The following SVIL variants were observed in gnomAD, a reference collection of about 807,000 sequenced individuals.
The protein encoded by SVIL is archvillin.
A neutral mutation model predicts 240.4 loss-of-function variants in SVIL; 101 were observed. The observed-to-expected ratio is 0.42, with a 90% CI of 0.36 to 0.50. SVIL has a LOEUF of 0.50. Among genes scored for constraint, SVIL ranks in the 20% least tolerant of loss-of-function variants. SVIL has a pLI of 0.01. For synonymous variants in SVIL, 999 were observed against 1,100.0 expected, an observed-to-expected ratio of 0.91 and a Z score of 1.82; for missense variants, 2,512 against 2,818.7, an observed-to-expected ratio of 0.89 and a Z score of 2.46.
intron 1 of SVIL, among the ~76,000 whole-genome samples, chr10:29,700,468 CTTTTTTT>C (rs71281545): frequency 1.4e-4 from 16 of 113,128 alleles, no homozygotes; most frequent in Admixed American, 8.5e-4. Context: ...TTACTATTTC[CTTTTTTT>C]TTTTTTTTTT....
At chr10:29,652,517 T>C (rs1958870982) in intron 3 of SVIL, among the ~76,000 whole-genome samples, 2 of 152,238 alleles carry the variant, frequency 1.3e-5, no homozygotes, top group Admixed American at 1.3e-4. Flanking sequence ...AATATTATTA[T>C]TTTTGTACAG....
At chr10:29,701,975 A>C (rs1398312229) in intron 1 of SVIL, among the ~76,000 whole-genome samples, 2 of 152,144 alleles carry the variant, frequency 1.3e-5, no homozygotes, top group Non-Finnish European at 2.9e-5. Context: ...GGAGTTCGAG[A>C]CCAGCCTGGC....
chr10:29,543,016 G>A (rs1488660240), intron 6 of SVIL, among the ~76,000 whole-genome samples: 1 of 152,164 alleles, frequency 6.6e-6, no homozygotes, highest in Non-Finnish European at 1.5e-5. Flanking sequence ...AGAGCAGACT[G>A]GTGCGAGAGT....
chr10:29,545,853 CAAAAAAAAAAAAAA>C (rs755360700), intron 6 of SVIL, among the ~76,000 whole-genome samples: 7,118 of 63,964 alleles, frequency 0.11, 301 homozygotes, highest in South Asian at 0.24. Context: ...GACTCTGTCT[CAAAAAAAAAAAAAA>C]AAAAAAAAAA....
In SVIL at chr10:29,524,562, C is replaced by T. The variant is rs113842540; in HGVS notation, c.2496G>A (p.Ala832=). 962 of 1,614,094 alleles carry T rather than the reference C, an allele frequency of 6.0e-4. 3 individuals are homozygous for T. The African/African-American group carries it at 0.011, about 19-fold the overall frequency. Residue 832 remains alanine (A), a synonymous_variant, in exon 14 of 38, where the codon GCG becomes GCA. Coordinates refer to ENST00000355867, the MANE Select transcript of SVIL (RefSeq NM_021738.3). ...TGTCTATTCTGTTCCGGGTAGAAAT[C>T]GCTTTTGAGACTGGCTGGGACAATT... is the stretch of plus-strand genomic sequence containing the variant. ...FNKLSQPVSK[A]ISTRNRIDTR...
At chr10:29,485,936 A>G in intron 26 of SVIL, 149 bp downstream of exon 26, 1 of 885,502 alleles carries the variant, frequency 1.1e-6, no homozygotes, top group Non-Finnish European at 1.7e-6. Context: ...TGAAATCACA[A>G]ATATCCTTTA....
intron 1 of SVIL, among the ~76,000 whole-genome samples, chr10:29,597,619 C>T (rs939984042): frequency 2.0e-5 from 3 of 152,070 alleles, no homozygotes; most frequent in Middle Eastern, 6.8e-3. Context: ...AGGCTGGTCT[C>T]GAACTCCTGA....
At chr10:29,461,952 T>C (rs1588770464) in intron 36 of SVIL, among the ~76,000 whole-genome samples, 1 of 152,342 alleles carries the variant, frequency 6.6e-6, no homozygotes, top group East Asian at 1.9e-4. Context: ...AGACAAGCAA[T>C]GCCAAGCAAC....
At chr10:29,469,808 G>A (rs1945347410) in intron 32 of SVIL, among the ~76,000 whole-genome samples, 1 of 152,192 alleles carries the variant, frequency 6.6e-6, no homozygotes, top group Non-Finnish European at 1.5e-5. Flanking sequence ...TCTCCATCGG[G>A]GGCTGCTCTC....
rs781732315 is a variant in SVIL, at chr10:29,550,727, A to G, written c.697T>C (p.Ser233Pro). ...AAESSSTFSF[S>P]GRDSSFTEVP... ...TCAGTGAAGGAGGAGTCTCGCCCAG[A>G]GAAAGAGAAGGTCGAGGAACTCTCG... is the stretch of plus-strand genomic sequence containing the variant. The change falls in exon 6 of 38, where the codon TCT (serine) becomes CCT (proline). Residue 233 changes from serine (S) to proline (P), a missense_variant. This residue lies in a region of SVIL where 1,443 missense variants were observed against 1,486.6 expected (regional missense o/e 0.97). Transcript: ENST00000355867. 6.2e-7 allele frequency: 1 copy of G among 1,614,116 alleles called. No homozygotes were observed. The highest frequency in any genetic ancestry group is 1.1e-5 in the South Asian group (1 of 91,080).
intron 33 of SVIL, 122 bp from the exon 34 acceptor site, chr10:29,465,872 T>C (rs1944850645): frequency 1.5e-6 from 2 of 1,311,356 alleles, no homozygotes; most frequent in Middle Eastern, 2.6e-4. Context: ...AGGATTTATC[T>C]GAGCTTCAAG....
At chr10:29,564,299 T>G (rs538787829) in intron 2 of SVIL, among the ~76,000 whole-genome samples, 1 of 152,320 alleles carries the variant, frequency 6.6e-6, no homozygotes, top group African/African-American at 2.4e-5. Flanking sequence ...GAAGAGGAGA[T>G]GAGATTCAAA....
At chr10:29,649,389 A>G (rs1476565044) in intron 3 of SVIL, among the ~76,000 whole-genome samples, 2 of 152,198 alleles carry the variant, frequency 1.3e-5, no homozygotes, top group East Asian at 1.9e-4. Context: ...CCTCTTTCAT[A>G]TACAATAAAA....
chr10:29,712,746 A>G (rs1963375595), intron 1 of SVIL, among the ~76,000 whole-genome samples: 3 of 152,246 alleles, frequency 2.0e-5, no homozygotes, highest in African/African-American at 4.8e-5. Flanking sequence ...CATAGCTGAG[A>G]AAAGCTGAAA....
chr10:29,541,304 G>A (rs896379740), intron 6 of SVIL, among the ~76,000 whole-genome samples: 1 of 152,164 alleles, frequency 6.6e-6, no homozygotes, highest in Non-Finnish European at 1.5e-5. Flanking sequence ...CTTTGCACAT[G>A]CGGTCAAGAA....
Position 29,486,517 on chromosome 10 carries a change from A to C in SVIL, c.4526T>G (p.Leu1509Arg). ...LATLIQTKRE[L>R]GCRATYIQTI... ...TTGGATATAAGTAGCTCTACAACCA[A>C]GTTCCCTCTTTGTCTGAATTAAAGT... is the stretch of plus-strand genomic sequence containing the variant. The change falls in exon 25 of 38, where the codon CTT (leucine) becomes CGT (arginine). Residue 1509 changes from leucine (L) to arginine (R), a missense_variant. By Grantham distance (102) the Leu-to-Arg change is moderately radical. Transcript: ENST00000355867. 1 of 1,614,204 alleles carries C rather than the reference A, an allele frequency of 6.2e-7. No homozygotes were observed. The highest frequency in any genetic ancestry group is 1.1e-5 in the South Asian group (1 of 91,078).
chr10:29,607,583 A>AT (rs2132861811), intron 1 of SVIL, among the ~76,000 whole-genome samples: 1 of 152,042 alleles, frequency 6.6e-6, no homozygotes, highest in Non-Finnish European at 1.5e-5. Flanking sequence ...ATGTTAAGTT[A>AT]TTCCCTGGTA....
At chr10:29,644,667 C>G (rs1048608062) in intron 3 of SVIL, among the ~76,000 whole-genome samples, 9 of 151,766 alleles carry the variant, frequency 5.9e-5, no homozygotes, top group Non-Finnish European at 1.3e-4. Context: ...CAAGATTCCA[C>G]CTGAAAGAAA....
intron 17 of SVIL, among the ~76,000 whole-genome samples, chr10:29,502,238 G>A (rs1948950106): frequency 6.6e-6 from 1 of 152,178 alleles, no homozygotes; most frequent in Non-Finnish European, 1.5e-5. Context: ...CCTAATTGCT[G>A]CAATTCAACT....
Sources: allele counts gnomAD v4.1 joint callset (sites outside exome capture counted in the v4.1 genomes callset), GRCh38; gene constraint gnomAD v4.1.1; regional missense constraint gnomAD v4.1.1; transcripts MANE v1.5; gene names NCBI Gene and HGNC (gene_info 2026-07-23, HGNC 2026-07-21).